The following ABCC8 variants were observed in gnomAD, a reference collection of about 807,000 sequenced individuals.
ABCC8 encodes ATP-binding cassette sub-family C member 8.
In ABCC8, 137 loss-of-function variants were observed where a neutral mutation model predicts 188.0. The observed-to-expected ratio is 0.73, with a 90% confidence interval of 0.63 to 0.84. The LOEUF (loss-of-function observed/expected upper bound fraction) is 0.84. ABCC8 is among the 40% of genes least tolerant of loss of function. The probability of loss-of-function intolerance (pLI) is 0.00; values close to 1 mark genes in which losing one functional copy is unlikely to be tolerated. For missense variants in ABCC8, 1,750 were observed against 2,072.7 expected (o/e 0.84, Z 3.02); for synonymous variants, 797 against 846.5 (o/e 0.94, Z 1.01).
chr11:17,425,690 T>A (rs1955548649), intron 16 of ABCC8, among the ~76,000 whole-genome samples: 1 of 152,198 alleles, frequency 6.6e-6, no homozygotes, highest in Non-Finnish European at 1.5e-5. Context: ...TTTACATGCA[T>A]CTTTTTTTAT....
intron 10 of ABCC8, chr11:17,435,653 T>G (rs1236268434): frequency 1.5e-5 from 21 of 1,408,840 alleles, no homozygotes; most frequent in Non-Finnish European, 2.1e-5. Flanking sequence ...AGGAAGATGA[T>G]GCTGGGAACC....
At position 17,461,637 on chromosome 11, in the gene ABCC8, G is replaced by T; in HGVS notation, c.768C>A (p.Ala256=). 6.2e-7 allele frequency: 1 copy of T among 1,614,254 alleles called. No individual in the cohort carries two copies. The highest frequency in any genetic ancestry group is 1.1e-5 in the South Asian group (1 of 91,082). Residue 256 remains alanine (A), a synonymous_variant, in exon 5 of 39, where the codon GCC becomes GCA. Transcript: ENST00000389817. The part of the protein sequence containing the change: ...DLRAIGKLPI[A]MRALTNYQRL... ...GTTGGTAGTTGGTGAGGGCCCTCAT[G>T]GCGATGGGCAGCTTCCCGATGGCTC...
chr11:17,403,236 G>A (rs1035624901), intron 28 of ABCC8, among the ~76,000 whole-genome samples: 33 of 152,258 alleles, frequency 2.2e-4, no homozygotes, highest in African/African-American at 7.5e-4. Context: ...GATAGGTTTC[G>A]TCTCGGGGTA....
chr11:17,421,485 A>G (rs891830277), intron 16 of ABCC8, among the ~76,000 whole-genome samples: 5 of 152,150 alleles, frequency 3.3e-5, no homozygotes, highest in Admixed American at 3.3e-4. Context: ...TCGTTTAGCA[A>G]AAAGCACTAC....
At chr11:17,450,242 CTTTT>C (rs1261824416) in intron 7 of ABCC8, among the ~76,000 whole-genome samples, 4 of 52,604 alleles carry the variant, frequency 7.6e-5, no homozygotes, top group South Asian at 4.3e-4. Context: ...CCTTTCTTTT[CTTTT>C]TCTTTCTTTC....
Position 17,395,802 on chromosome 11 carries a change from C to T in ABCC8, c.4198+50G>A. ...GTCTGACCACGTGCCAGGGCTGAGG[C>T]CTCATCTGGTGGCTGTGGGTACACG... On this transcript the variant is annotated intron_variant, in intron 34 of 38. Coordinates refer to ENST00000389817, the MANE Select transcript of ABCC8 (RefSeq NM_000352.6). 3 of 1,555,364 alleles carry T rather than the reference C, an allele frequency of 1.9e-6. No individual in the cohort carries two copies. The Admixed American group carries it at 5.8e-5, about 30-fold the overall frequency.
rs74901066 is a variant in ABCC8 at position 17,453,389 on chromosome 11, C to T, written c.1012-106G>A. 2.2e-3 allele frequency: 3,275 copies of T among 1,489,120 alleles called. 58 individuals carry two copies. The African/African-American group carries it at 0.041, about 18-fold the overall frequency. The allele number at this position is 1,489,120 out of a possible 1,614,324, so 92.2% of individuals were successfully genotyped here. ...ACCACGGCCATCATTATTACAAGAC[C>T]CTCTGGGCTTGCAAAGGCTTGTGCA... On this transcript the variant is annotated intron_variant, in intron 6 of 38. Transcript: ENST00000389817.
Position 17,398,323 on chromosome 11 carries a change from G to A in ABCC8, c.3753+16C>T. The A allele has an allele frequency of 6.2e-7, 1 of 1,613,960 alleles. No individual in the cohort carries two copies. The highest frequency in any genetic ancestry group is 1.1e-5 in the South Asian group (1 of 91,056). On this transcript the variant is annotated intron_variant, in intron 30 of 38. Coordinates refer to ENST00000389817, the MANE Select transcript of ABCC8 (RefSeq NM_000352.6). ...CCCTCCTATCAGAGGCCAGGGTAGA[G>A]GGGAATAGCACTTGCCATTCGGACT...
intron 23 of ABCC8, 108 bp from the exon 24 acceptor site, chr11:17,407,561 T>C: frequency 6.4e-7 from 1 of 1,554,688 alleles, no homozygotes; most frequent in Non-Finnish European, 8.7e-7. Context: ...AGATTTCTAC[T>C]TTGTCCCTGC....
intron 24 of ABCC8, 49 bp downstream of exon 24, chr11:17,407,305 C>A: frequency 6.2e-7 from 1 of 1,613,994 alleles, no homozygotes; most frequent in Non-Finnish European, 8.5e-7. Flanking sequence ...CTCTCTGTGG[C>A]TGATCAGACC....
In ABCC8 at chr11:17,427,063, A is replaced by G. The variant is rs2133531312; in HGVS notation, c.2208T>C (p.Ala736=). 1 of 1,613,962 alleles carries G rather than the reference A, an allele frequency of 6.2e-7. No individual in the cohort carries two copies. Among genetic ancestry groups the G allele is most frequent in the Non-Finnish European group, 8.5e-7 (1 of 1,179,944 alleles). ...ACATGTATTACCTGCTCCAGAAGAC[A>G]GCCCCTGAGACCTTCTGCATCTCCC... is the stretch of plus-strand genomic sequence containing the variant. ...ALGEMQKVSG[A]VFWSSLPDSE... Residue 736 remains alanine, a synonymous_variant, in exon 16 of 39, where the codon GCT becomes GCC. Coordinates refer to ENST00000389817, the MANE Select transcript of ABCC8 (RefSeq NM_000352.6). The surrounding 1 kb of genome is among the most constrained non-coding windows in gnomAD (Gnocchi z 5.0).
intron 17 of ABCC8, among the ~76,000 whole-genome samples, chr11:17,416,293 A>G (rs1178458591): frequency 9.2e-5 from 14 of 152,124 alleles, no homozygotes. Flanking sequence ...AGCCTCATTA[A>G]TCTATATCAC....
chr11:17,418,839 T>C (rs1160041413), intron 16 of ABCC8, among the ~76,000 whole-genome samples: 1 of 152,232 alleles, frequency 6.6e-6, no homozygotes, highest in Non-Finnish European at 1.5e-5. Flanking sequence ...GCTTAGCACA[T>C]GACAGAGCTA....
chr11:17,436,225 T>C (rs1956091806), intron 10 of ABCC8: 1 of 609,016 alleles, frequency 1.6e-6, no homozygotes, highest in Non-Finnish European at 3.0e-6. Context: ...ACTTGTGTTT[T>C]AAAGGTCTCT....
intron 16 of ABCC8, among the ~76,000 whole-genome samples, chr11:17,422,183 T>C (rs1955376694): frequency 6.6e-6 from 1 of 152,166 alleles, no homozygotes; most frequent in South Asian, 2.1e-4. Context: ...ATGCCCAGGA[T>C]AGGTGGGCCA....
In ABCC8 at chr11:17,451,498, C is replaced by T. The variant is rs182312285; in HGVS notation, c.1176+1621G>A. ...ACAACTTGGGAGGGCACCGTTCACACAGACTATTCCAAGATAGCCAGAGTT... is the reference window on the plus strand; with the variant it reads ...ACAACTTGGGAGGGCACCGTTCACATAGACTATTCCAAGATAGCCAGAGTT... On this transcript the variant is annotated intron_variant, in intron 7 of 38. Transcript: ENST00000389817. Among the ~76,000 whole-genome samples, 478 of 152,362 alleles carry T rather than the reference C, an allele frequency of 3.1e-3. 3 individuals carry two copies. Among genetic ancestry groups the T allele is most frequent in the Middle Eastern group, 0.01 (3 of 294 alleles).
In ABCC8 at chr11:17,412,689, G is replaced by C; in HGVS notation, c.2533C>G (p.Gln845Glu). ...QRISVARALY[Q>E]HANVVFLDDP... is the part of the protein sequence containing the mutation. Reference sequence around the variant, plus strand: ...ACCAAGAAGACAACGTTGGCGTGCTGGTAGAGGGCTCGGGCCACACTGATT... The same window carrying C: ...ACCAAGAAGACAACGTTGGCGTGCTCGTAGAGGGCTCGGGCCACACTGATT... The change falls in exon 21 of 39, where the codon CAG becomes GAG. Residue 845 changes from glutamine to glutamate, a missense_variant. Coordinates refer to ENST00000389817, the MANE Select transcript of ABCC8 (RefSeq NM_000352.6). 6.2e-7 allele frequency: 1 copy of C among 1,612,110 alleles called. No individual in the cohort carries two copies. Among genetic ancestry groups the C allele is most frequent in the Non-Finnish European group, 8.5e-7 (1 of 1,179,112 alleles).
intron 3 of ABCC8, 68 bp from the exon 4 acceptor site, chr11:17,463,672 G>A: frequency 1.3e-6 from 2 of 1,542,246 alleles, no homozygotes; most frequent in Admixed American, 3.9e-5. Flanking sequence ...CATAATGTGT[G>A]CAAGTATGTG....
chr11:17,445,505 T>C (rs1268272667), intron 8 of ABCC8, among the ~76,000 whole-genome samples: 5 of 152,222 alleles, frequency 3.3e-5, no homozygotes. Flanking sequence ...CAAAAAAAGA[T>C]TATGAAACAA....
Sources: gnomAD v4.1 joint callset for allele counts (sites outside exome capture counted in the v4.1 genomes callset) on GRCh38, gnomAD v4.1.1 for gene constraint, Gnocchi (gnomAD v3.1) non-coding constraint, MANE v1.5 for transcripts, NCBI Gene and HGNC (gene_info 2026-07-23, HGNC 2026-07-21) for gene names.